The following TMEM101 variants were observed in gnomAD, a reference collection of about 807,000 sequenced individuals.
The protein encoded by TMEM101 is putative NF-kappa-B-activating protein 130.
TMEM101 carries 14 observed loss-of-function variants against 26.0 expected under a neutral mutation model. The observed-to-expected ratio is 0.54, with a 90% CI of 0.36 to 0.84. The LOEUF (loss-of-function observed/expected upper bound fraction) is 0.84, where lower values mean the gene tolerates loss of function less well. Ranked by LOEUF, TMEM101 falls within the 40% of genes least tolerant of loss-of-function variation. The probability of loss-of-function intolerance (pLI) is 0.01; values close to 1 mark genes in which losing one functional copy is unlikely to be tolerated. For missense variants in TMEM101, 292 were observed against 345.1 expected, an observed-to-expected ratio of 0.85 and a Z score of 1.22; for synonymous variants, 152 against 145.1, an observed-to-expected ratio of 1.05 and a Z score of -0.34.
intron 2 of TMEM101, among the ~76,000 whole-genome samples, chr17:44,020,102 G>A (rs528327929): frequency 1.3e-5 from 2 of 152,280 alleles, no homozygotes; most frequent in Admixed American, 6.5e-5. Flanking sequence ...GGTGGCAGGG[G>A]AGAATACTGT....
upstream of TMEM101, among the ~76,000 whole-genome samples, chr17:44,017,593 C>CAAA (rs1242207636): frequency 6.5e-4 from 49 of 74,958 alleles, no homozygotes; most frequent in African/African-American, 1.1e-3. Context: ...GACAACATCT[C>CAAA]AAAAAAAAAA....
At chr17:44,018,499 A>G (rs2049255384), upstream of TMEM101, among the ~76,000 whole-genome samples, 1 of 152,172 alleles carries the variant, frequency 6.6e-6, no homozygotes, top group South Asian at 2.1e-4. Flanking sequence ...ACACAAAACA[A>G]ATTTCCTTTA....
chr17:44,013,123 G>A lies in TMEM101; in HGVS notation c.351C>T (p.Ile117=), dbSNP rs745539569. The A allele has an allele frequency of 2.4e-5, 39 of 1,606,184 alleles. No individual in the cohort carries two copies. Among genetic ancestry groups the A allele is most frequent in the Admixed American group, 6.7e-5 (4 of 59,754 alleles). Residue 117 remains isoleucine, a synonymous_variant, in exon 3 of 4, where the codon ATC becomes ATT. Coordinates refer to ENST00000206380, the MANE Select transcript of TMEM101 (RefSeq NM_032376.4). ...VRMYSRTVAI[I]GGFLVLASGA... is the part of the protein sequence containing the mutation. Reference sequence around the variant, plus strand: ...CGCTGGCCAACACAAGAAAGCCGCCGATGATGGCAACTGTGCGCGAGTACA... The same window carrying A: ...CGCTGGCCAACACAAGAAAGCCGCCAATGATGGCAACTGTGCGCGAGTACA...
At chr17:44,018,079 C>T (rs1477560187), upstream of TMEM101, among the ~76,000 whole-genome samples, 2 of 152,142 alleles carry the variant, frequency 1.3e-5, no homozygotes, top group South Asian at 2.1e-4. Flanking sequence ...GAGTCGAGAT[C>T]GCACCACTGC....
At chr17:44,015,383 T>C (rs1053876718), upstream of TMEM101, among the ~76,000 whole-genome samples, 5 of 69,332 alleles carry the variant, frequency 7.2e-5, no homozygotes, top group African/African-American at 1.5e-4. Flanking sequence ...AACTTTTTTT[T>C]TCTTTTTTTT....
chr17:44,019,421 A>C (rs572442802), upstream of TMEM101: 1 of 298,900 alleles, frequency 3.3e-6, no homozygotes, highest in South Asian at 2.9e-5. Flanking sequence ...GCTTCGGCAC[A>C]ATCTAGGACC....
chr17:44,015,864 G>T (rs970646170), upstream of TMEM101, among the ~76,000 whole-genome samples: 1 of 152,110 alleles, frequency 6.6e-6, no homozygotes, highest in African/African-American at 2.4e-5. Flanking sequence ...TGCCCTGAGA[G>T]AAAAAGGAGA....
At chr17:44,018,826 G>A (rs146486297), upstream of TMEM101, among the ~76,000 whole-genome samples, 315 of 152,270 alleles carry the variant, frequency 2.1e-3, 1 homozygote, top group African/African-American at 7.0e-3. Context: ...TACCCACTGC[G>A]CCCCTTCTCA....
chr17:44,014,573 A>G (rs1048809333), intron 1 of TMEM101, 36 bp from the exon 2 acceptor site: 11 of 1,561,614 alleles, frequency 7.0e-6, no homozygotes, highest in Middle Eastern at 1.7e-4. Context: ...CGAGGACAGA[A>G]TGAAGCGGTG....
intron 1 of TMEM101, among the ~76,000 whole-genome samples, chr17:44,022,713 G>A (rs374132072): frequency 1.3e-5 from 2 of 152,018 alleles, no homozygotes; most frequent in South Asian, 4.1e-4. Context: ...ATGGCCACGG[G>A]GAAGAACTGG....
intron 2 of TMEM101, among the ~76,000 whole-genome samples, chr17:44,020,919 A>C (rs1359198018): frequency 1.3e-5 from 2 of 152,224 alleles, no homozygotes; most frequent in African/African-American, 4.8e-5. Context: ...TCTCAGCCTC[A>C]GACATGGTGA....
At chr17:44,015,033 A>G (rs965536336), upstream of TMEM101, 6 of 1,502,488 alleles carry the variant, frequency 4.0e-6, no homozygotes, top group South Asian at 1.3e-5. Context: ...TTCCGGGTCA[A>G]GCGCTTTTTC....
chr17:44,022,946 T>TA lies in TMEM101; in HGVS notation c.-324+92dup, dbSNP rs1432640600. 1.8e-5 allele frequency: 3 copies of TA among 166,726 alleles called. No individual in the cohort carries two copies. In the South Asian group the frequency reaches 3.8e-4, roughly 21 times the overall value. 10.3% of individuals were successfully genotyped at this position (166,726 alleles called of 1,614,324 possible). ...CAATGCAGATATAATAAGCGAATGA[T>TA]ATAAGCAAATTAATATAATAAGCAA... On this transcript the variant is annotated intron_variant, in intron 1 of 4. Transcript: ENST00000585950.
chr17:44,011,845 A>C lies in TMEM101; in HGVS notation c.*83T>G. 2 of 1,380,528 alleles carry C rather than the reference A, an allele frequency of 1.4e-6. No homozygotes were observed. Among genetic ancestry groups the C allele is most frequent in the Non-Finnish European group, 2.0e-6 (2 of 1,014,936 alleles). 85.5% of individuals were successfully genotyped at this position (1,380,528 alleles called of 1,614,324 possible). A position where few individuals can be genotyped will look rare whatever the true frequency, so the allele number is the denominator to read the frequency against. On this transcript the variant is annotated 3_prime_UTR_variant, in exon 4 of 4. Transcript: ENST00000206380. ...AACAAACAGACCAAAAAGCATAAAT[A>C]AACAGCAGCTGGGCCAGCAAGGAGG...
chr17:44,021,724 G>A (rs1013146839), intron 1 of TMEM101, among the ~76,000 whole-genome samples: 2 of 152,190 alleles, frequency 1.3e-5, no homozygotes, highest in Non-Finnish European at 2.9e-5. Flanking sequence ...CAGAACCGGT[G>A]AGTTTTGGGA....
upstream of TMEM101, chr17:44,015,022 C>A: frequency 6.6e-7 from 1 of 1,522,824 alleles, no homozygotes; most frequent in South Asian, 1.3e-5. Flanking sequence ...GGACACGCAG[C>A]TTCCGGGTCA....
At chr17:44,014,268 A>G in intron 2 of TMEM101, 89 bp downstream of exon 2, 1 of 1,442,298 alleles carries the variant, frequency 6.9e-7, no homozygotes. Context: ...GCTGGCCAGC[A>G]CCATTCATCG....
intron 1 of TMEM101, among the ~76,000 whole-genome samples, chr17:44,022,632 C>G (rs1597875796): frequency 6.6e-6 from 1 of 152,210 alleles, no homozygotes; most frequent in Admixed American, 6.5e-5. Context: ...CAGCACTTCA[C>G]GCACAAAGGT....
At chr17:44,016,131 A>G (rs1485484242), upstream of TMEM101, among the ~76,000 whole-genome samples, 2 of 151,918 alleles carry the variant, frequency 1.3e-5, no homozygotes, top group Admixed American at 6.6e-5. Flanking sequence ...ACACGCACAC[A>G]CACACACACA....
Sources: allele counts gnomAD v4.1 joint callset (sites outside exome capture counted in the v4.1 genomes callset), GRCh38; gene constraint gnomAD v4.1.1; transcripts MANE v1.5; gene names NCBI Gene and HGNC (gene_info 2026-07-23, HGNC 2026-07-21).